Variants in GNG7 observed in about 807,000 individuals in gnomAD.
GNG7 encodes the protein guanine nucleotide-binding protein G(I)/G(S)/G(O) subunit gamma-7.
Under a neutral mutation model 4.0 loss-of-function variants are expected in GNG7, and 1 was observed. The observed-to-expected ratio is 0.25, with a 90% confidence interval of 0.09 to 1.18. GNG7 has a LOEUF of 1.18. Ranked by LOEUF, GNG7 falls within the 50% of genes most tolerant of loss-of-function variation. The pLI is 0.50. For missense variants in GNG7, 86 were observed against 91.9 expected, an observed-to-expected ratio of 0.94 and a Z score of 0.26; for synonymous variants, 34 against 36.9, an observed-to-expected ratio of 0.92 and a Z score of 0.29.
intron 1 of GNG7, among the ~76,000 whole-genome samples, chr19:2,698,619 T>C (rs931807953): frequency 2.4e-4 from 36 of 152,124 alleles, no homozygotes; most frequent in African/African-American, 8.2e-4. Flanking sequence ...CTCCCAAGCC[T>C]ATAGAGACCA....
chr19:2,680,396 C>T (rs553208274), intron 1 of GNG7, among the ~76,000 whole-genome samples: 11 of 151,812 alleles, frequency 7.2e-5, no homozygotes, highest in Non-Finnish European at 1.3e-4. Flanking sequence ...GTGATCCACC[C>T]GCCTCGGTCT....
chr19:2,679,780 C>A (rs1983685098), intron 1 of GNG7, among the ~76,000 whole-genome samples: 1 of 150,744 alleles, frequency 6.6e-6, no homozygotes, highest in South Asian at 2.1e-4. Flanking sequence ...TGCATCTTCA[C>A]CTTACTCATT....
At chr19:2,528,755 G>A (rs1227445950) in intron 3 of GNG7, among the ~76,000 whole-genome samples, 2 of 152,124 alleles carry the variant, frequency 1.3e-5, no homozygotes, top group Non-Finnish European at 2.9e-5. Context: ...CCCTCTCTGA[G>A]CCCCAGTGAC....
At chr19:2,580,484 T>G (rs1017858936) in intron 2 of GNG7, among the ~76,000 whole-genome samples, 3 of 150,758 alleles carry the variant, frequency 2.0e-5, no homozygotes, top group Non-Finnish European at 3.0e-5. Flanking sequence ...AGAGACGAGG[T>G]TTTGCCATGT....
At chr19:2,679,703 T>C (rs1166174785) in intron 1 of GNG7, among the ~76,000 whole-genome samples, 2 of 152,182 alleles carry the variant, frequency 1.3e-5, no homozygotes, top group Non-Finnish European at 2.9e-5. Context: ...ACTTTTTACA[T>C]ATCCTATTCC....
chr19:2,530,347 T>A (rs1301804327), intron 3 of GNG7, among the ~76,000 whole-genome samples: 92 of 136,820 alleles, frequency 6.7e-4, no homozygotes, highest in Middle Eastern at 5.3e-3. Context: ...CGGGAGGCAG[T>A]GGTTGCAGTG....
chr19:2,559,281 T>C (rs1301191983), intron 2 of GNG7, among the ~76,000 whole-genome samples: 3 of 152,006 alleles, frequency 2.0e-5, no homozygotes, highest in Non-Finnish European at 4.4e-5. Context: ...AACATTTTTG[T>C]AGGGGTAGTT....
At chr19:2,694,206 T>C (rs1913192868) in intron 1 of GNG7, among the ~76,000 whole-genome samples, 1 of 151,540 alleles carries the variant, frequency 6.6e-6, no homozygotes, top group South Asian at 2.1e-4. Context: ...GGAATCTACA[T>C]TTTGGGGAGA....
At chr19:2,534,288 A>C (rs763248091) in intron 3 of GNG7, among the ~76,000 whole-genome samples, 14 of 151,782 alleles carry the variant, frequency 9.2e-5, no homozygotes, top group Non-Finnish European at 5.9e-5. Context: ...ATCCCCGTGT[A>C]CTCCACCAGT....
chr19:2,627,489 C>T (rs1982050189), intron 2 of GNG7, among the ~76,000 whole-genome samples: 1 of 152,238 alleles, frequency 6.6e-6, no homozygotes, highest in Non-Finnish European at 1.5e-5. Flanking sequence ...CCCTTCAGAG[C>T]TGGTCACAGC....
intron 3 of GNG7, among the ~76,000 whole-genome samples, chr19:2,545,202 G>T (rs181142945): frequency 6.7e-6 from 1 of 148,980 alleles, no homozygotes; most frequent in East Asian, 2.1e-4. Flanking sequence ...ATCTGTGGTT[G>T]TCGTAACTGG....
chr19:2,678,037 TA>T (rs1196150974), intron 1 of GNG7, among the ~76,000 whole-genome samples: 1 of 152,204 alleles, frequency 6.6e-6, no homozygotes, highest in Non-Finnish European at 1.5e-5. Flanking sequence ...CCAACCTTTC[TA>T]ACCCTGCCAC....
At chr19:2,566,029 G>A (rs1348652348) in intron 2 of GNG7, among the ~76,000 whole-genome samples, 2 of 151,864 alleles carry the variant, frequency 1.3e-5, no homozygotes, top group African/African-American at 2.4e-5. Context: ...GTGGTGGTGG[G>A]CACCTGTAAT....
chr19:2,552,470 C>T (rs543843416), intron 3 of GNG7, among the ~76,000 whole-genome samples: 4 of 152,102 alleles, frequency 2.6e-5, no homozygotes, highest in African/African-American at 4.8e-5. Flanking sequence ...CTACAACCTC[C>T]GCCTCCCGGG....
intron 2 of GNG7, among the ~76,000 whole-genome samples, chr19:2,607,220 C>CA (rs57526624): frequency 0.2 from 27,447 of 135,976 alleles, 3,164 homozygotes; most frequent in Non-Finnish European, 0.27. Context: ...GACCCTGTGT[C>CA]AAAAAAAAAA....
chr19:2,516,369 T>C (rs1366811781), intron 4 of GNG7, among the ~76,000 whole-genome samples: 7 of 151,882 alleles, frequency 4.6e-5, no homozygotes, highest in Admixed American at 4.6e-4. Flanking sequence ...GGACTACAGG[T>C]GCCTGCCACC....
At chr19:2,610,382 C>G (rs917184028) in intron 2 of GNG7, 2 of 150,872 alleles carry the variant, frequency 1.3e-5, no homozygotes, top group African/African-American at 4.9e-5. Context: ...GAGTCTTGCT[C>G]TGTCGCCCAG....
chr19:2,567,593 TGG>T (rs1328149570), intron 2 of GNG7, among the ~76,000 whole-genome samples: 1 of 152,114 alleles, frequency 6.6e-6, no homozygotes, highest in Non-Finnish European at 1.5e-5. Flanking sequence ...CCCAAAGTGC[TGG>T]GATTGCAAGC....
At chr19:2,515,466 C>T (rs905107862) in intron 4 of GNG7, among the ~76,000 whole-genome samples, 25 of 151,306 alleles carry the variant, frequency 1.7e-4, no homozygotes, top group African/African-American at 5.6e-4. Context: ...CTCTATTTGT[C>T]GCCCAGGCTC....
Sources: gnomAD v4.1 joint callset for allele counts (sites outside exome capture counted in the v4.1 genomes callset) on GRCh38, gnomAD v4.1.1 for gene constraint, MANE v1.5 for transcripts, NCBI Gene and HGNC (gene_info 2026-07-23, HGNC 2026-07-21) for gene names.